LRMDA: variants seen among roughly 807,000 people sequenced by gnomAD.
The protein encoded by LRMDA is leucine rich melanocyte differentiation associated.
In LRMDA, 18 loss-of-function variants were observed where a neutral mutation model predicts 29.8. That is an observed-to-expected ratio of 0.60 (90% CI 0.42 to 0.90). The LOEUF is 0.90. Ranked by LOEUF, LRMDA falls within the 40% of genes least tolerant of loss-of-function variation. The pLI is 0.00. For missense variants in LRMDA, 273 were observed against 273.9 expected, an observed-to-expected ratio of 1.00 and a Z score of 0.02; for synonymous variants, 125 against 109.4, an observed-to-expected ratio of 1.14 and a Z score of -0.89.
At chr10:75,610,350 A>G (rs971911163) in intron 2 of LRMDA, among the ~76,000 whole-genome samples, 1 of 151,866 alleles carries the variant, frequency 6.6e-6, no homozygotes, top group Admixed American at 6.6e-5. Context: ...ATCCCTCACC[A>G]CAAACACACA....
chr10:75,840,414 T>C (rs1449049497), intron 2 of LRMDA, among the ~76,000 whole-genome samples: 1 of 152,234 alleles, frequency 6.6e-6, no homozygotes, highest in Non-Finnish European at 1.5e-5. Context: ...TGAATTGTGA[T>C]CTATTAAACA....
At chr10:75,664,248 A>G (rs1302510747) in intron 2 of LRMDA, among the ~76,000 whole-genome samples, 2 of 152,182 alleles carry the variant, frequency 1.3e-5, no homozygotes, top group Non-Finnish European at 2.9e-5. Flanking sequence ...CTTTCATACA[A>G]TGACAAACCC....
intron 2 of LRMDA, among the ~76,000 whole-genome samples, chr10:76,004,216 G>A (rs115653837): frequency 1.8e-3 from 279 of 152,264 alleles, no homozygotes; most frequent in African/African-American, 6.6e-3. Context: ...ACACCATTGA[G>A]TAAATTTTCA....
At chr10:76,550,081 A>C (rs952924441) in intron 6 of LRMDA, among the ~76,000 whole-genome samples, 1 of 152,360 alleles carries the variant, frequency 6.6e-6, no homozygotes. Context: ...ATTTAACCTT[A>C]CTGTAAAAAT....
intron 2 of LRMDA, among the ~76,000 whole-genome samples, chr10:75,915,198 C>G (rs1338203301): frequency 8.0e-6 from 1 of 124,824 alleles, no homozygotes; most frequent in African/African-American, 3.1e-5. Context: ...GTGGCATGAT[C>G]GTGATCTCAG....
intron 6 of LRMDA, among the ~76,000 whole-genome samples, chr10:76,383,988 C>G (rs1363812278): frequency 6.6e-6 from 1 of 152,004 alleles, no homozygotes; most frequent in Admixed American, 6.6e-5. Context: ...TTCTCTTTCT[C>G]TCTCCAGCCC....
At chr10:75,844,501 G>A (rs1172612608) in intron 2 of LRMDA, among the ~76,000 whole-genome samples, 1 of 152,156 alleles carries the variant, frequency 6.6e-6, no homozygotes, top group Non-Finnish European at 1.5e-5. Flanking sequence ...CAGCAGGCTG[G>A]ATGTGTCTCT....
At chr10:75,983,570 A>G (rs1847211228) in intron 2 of LRMDA, among the ~76,000 whole-genome samples, 2 of 152,118 alleles carry the variant, frequency 1.3e-5, no homozygotes, top group African/African-American at 2.4e-5. Context: ...CAAGTTATAC[A>G]TTTTCAAATA....
At chr10:76,407,046 T>C (rs750587229) in intron 6 of LRMDA, among the ~76,000 whole-genome samples, 5 of 152,020 alleles carry the variant, frequency 3.3e-5, no homozygotes, top group Non-Finnish European at 7.4e-5. Context: ...ATAAATAAGA[T>C]CCAGTCCATG....
intron 6 of LRMDA, among the ~76,000 whole-genome samples, chr10:76,443,001 G>A (rs1368738291): frequency 6.6e-6 from 1 of 152,060 alleles, no homozygotes; most frequent in Non-Finnish European, 1.5e-5. Flanking sequence ...CATAATAGTG[G>A]ACTAATCTTA....
chr10:75,558,910 T>A (rs1489460019), intron 2 of LRMDA, among the ~76,000 whole-genome samples: 1 of 145,866 alleles, frequency 6.9e-6, no homozygotes, highest in Non-Finnish European at 1.5e-5. Flanking sequence ...ATGTGCCACA[T>A]TTTCTTAATC....
intron 6 of LRMDA, among the ~76,000 whole-genome samples, chr10:76,549,016 C>A (rs1048457544): frequency 2.0e-5 from 3 of 152,142 alleles, no homozygotes; most frequent in Admixed American, 6.5e-5. Flanking sequence ...AGACTTGGAC[C>A]AGCTTTTCCA....
At chr10:76,249,707 C>T (rs545624106) in intron 5 of LRMDA, among the ~76,000 whole-genome samples, 27 of 152,326 alleles carry the variant, frequency 1.8e-4, no homozygotes, top group African/African-American at 6.5e-4. Flanking sequence ...GGTCACAATA[C>T]TGCATTTCCA....
intron 3 of LRMDA, among the ~76,000 whole-genome samples, chr10:76,042,027 T>G (rs1355582752): frequency 6.6e-6 from 1 of 152,150 alleles, no homozygotes; most frequent in Non-Finnish European, 1.5e-5. Flanking sequence ...TCTATGCATC[T>G]TGACAAAAAA....
At chr10:76,301,158 T>C (rs1840475719) in intron 5 of LRMDA, among the ~76,000 whole-genome samples, 1 of 152,230 alleles carries the variant, frequency 6.6e-6, no homozygotes, top group Non-Finnish European at 1.5e-5. Flanking sequence ...TGATACAAAG[T>C]ATTTTTGAGG....
intron 5 of LRMDA, among the ~76,000 whole-genome samples, chr10:76,254,371 A>ATGCTATGCTG (rs1195181828): frequency 7.0e-6 from 1 of 142,082 alleles, no homozygotes; most frequent in African/African-American, 2.6e-5. Context: ...ATGCTATGCT[A>ATGCTATGCTG]TGCTATGCTA....
At chr10:76,067,783 G>T (rs936709554) in intron 5 of LRMDA, among the ~76,000 whole-genome samples, 3 of 152,186 alleles carry the variant, frequency 2.0e-5, no homozygotes, top group Non-Finnish European at 4.4e-5. Flanking sequence ...AATGACTGAC[G>T]TATGAGTAAA....
intron 2 of LRMDA, among the ~76,000 whole-genome samples, chr10:76,017,981 A>G (rs1276938519): frequency 6.6e-6 from 1 of 152,188 alleles, no homozygotes; most frequent in Non-Finnish European, 1.5e-5. Context: ...AGAAAGTTCT[A>G]TTACTTTCCT....
At chr10:75,950,703 A>G (rs933854947) in intron 2 of LRMDA, among the ~76,000 whole-genome samples, 2 of 152,174 alleles carry the variant, frequency 1.3e-5, no homozygotes, top group Non-Finnish European at 2.9e-5. Flanking sequence ...CTAGCTGGTA[A>G]GTCCCTTGAA....
Sources: gnomAD v4.1 joint callset for allele counts (sites outside exome capture counted in the v4.1 genomes callset) on GRCh38, gnomAD v4.1.1 for gene constraint, MANE v1.5 for transcripts, NCBI Gene and HGNC (gene_info 2026-07-23, HGNC 2026-07-21) for gene names.